Variants in SMIM31 observed in about 807,000 individuals in gnomAD.
The protein encoded by SMIM31 is small integral membrane protein 31.
chr4:164,792,113 T>C (rs746446583), intron 2 of SMIM31, among the ~76,000 whole-genome samples: 2 of 152,238 alleles, frequency 1.3e-5, no homozygotes, highest in Admixed American at 6.5e-5. Flanking sequence ...CTTGTTAAAA[T>C]GCAACTTCTA....
intron 2 of SMIM31, among the ~76,000 whole-genome samples, chr4:164,775,467 C>A (rs143416981): frequency 6.6e-6 from 1 of 152,318 alleles, no homozygotes; most frequent in East Asian, 1.9e-4. Flanking sequence ...CTCCTGATAG[C>A]AAAACAATCC....
In SMIM31 at chr4:164,802,316, A is replaced by G. The variant is rs926401755; in HGVS notation, c.*1122A>G. ...AGTGGTGTAATCATAGCTCACTGCA[A>G]CCTTAAGTTCCTGGGCTCAGGTGAT... On this transcript the variant is annotated 3_prime_UTR_variant, in exon 3 of 3. Coordinates refer to ENST00000507311, the MANE Select transcript of SMIM31 (RefSeq NM_001352885.1). 1 of 152,068 alleles carries G rather than the reference A, an allele frequency of 6.6e-6. No homozygotes were observed. The highest frequency in any genetic ancestry group is 2.4e-5 in the African/African-American group (1 of 41,358). The allele number at this position is 152,068 out of a possible 1,614,324, so 9.4% of individuals were successfully genotyped here.
chr4:164,798,849 C>A (rs995938975), intron 2 of SMIM31, among the ~76,000 whole-genome samples: 58 of 152,200 alleles, frequency 3.8e-4, no homozygotes, highest in African/African-American at 1.1e-3. Flanking sequence ...TGGTTTAACA[C>A]CATCCCCTCG....
intron 2 of SMIM31, among the ~76,000 whole-genome samples, chr4:164,795,815 A>C (rs1733183476): frequency 6.6e-6 from 1 of 152,202 alleles, no homozygotes; most frequent in East Asian, 1.9e-4. Flanking sequence ...AATTGCTTAC[A>C]ATATGCCGGG....
chr4:164,776,134 C>T (rs1293767306), intron 2 of SMIM31, among the ~76,000 whole-genome samples: 1 of 152,162 alleles, frequency 6.6e-6, no homozygotes, highest in East Asian at 1.9e-4. Flanking sequence ...TCCCCCTCTA[C>T]TTGAATCTTA....
Position 164,803,197 on chromosome 4 carries a change from G to A in SMIM31, c.*2003G>A, listed in dbSNP as rs578077209. ...TCAACAACATGGTTTCAAATACTTG[G>A]ATGAGGCTCCATTCACTCCCTTAGC... is the stretch of plus-strand genomic sequence containing the variant. On this transcript the variant is annotated 3_prime_UTR_variant, in exon 3 of 3. Coordinates refer to ENST00000507311, the MANE Select transcript of SMIM31 (RefSeq NM_001352885.1). 106 of 152,262 alleles carry A rather than the reference G, an allele frequency of 7.0e-4. No homozygotes were observed. Among genetic ancestry groups the A allele is most frequent in the African/African-American group, 2.4e-3 (99 of 41,548 alleles). 9.4% of individuals were successfully genotyped at this position (152,262 alleles called of 1,614,324 possible).
At chr4:164,783,031 G>C (rs1346301621) in intron 2 of SMIM31, among the ~76,000 whole-genome samples, 1 of 150,268 alleles carries the variant, frequency 6.7e-6, no homozygotes, top group East Asian at 2.0e-4. Flanking sequence ...CAGCCTGGCC[G>C]ACACAGTGAA....
At chr4:164,797,228 A>AT (rs887467737) in intron 2 of SMIM31, among the ~76,000 whole-genome samples, 8 of 151,998 alleles carry the variant, frequency 5.3e-5, no homozygotes, top group Admixed American at 1.3e-4. Context: ...GCAAAGTTTT[A>AT]TTTTTTTATA....
intron 1 of SMIM31, among the ~76,000 whole-genome samples, chr4:164,755,535 G>A (rs1488881831): frequency 3.4e-5 from 2 of 59,178 alleles, no homozygotes; most frequent in African/African-American, 8.5e-5. Flanking sequence ...GGGAGGGAGA[G>A]GAGAGGAGGG....
chr4:164,785,648 G>GTATA (rs1178642571), intron 2 of SMIM31, among the ~76,000 whole-genome samples: 1 of 150,650 alleles, frequency 6.6e-6, no homozygotes, highest in African/African-American at 2.4e-5. Context: ...GTGTGTGTGT[G>GTATA]TGTATATATA....
chr4:164,782,377 A>ATTTT (rs760284575), intron 2 of SMIM31, among the ~76,000 whole-genome samples: 1 of 98,678 alleles, frequency 1.0e-5, no homozygotes, highest in South Asian at 2.7e-4. Flanking sequence ...TCTTTCTTTT[A>ATTTT]TTTTTTTTTT....
At chr4:164,770,844 A>G (rs1732791215) in intron 2 of SMIM31, among the ~76,000 whole-genome samples, 1 of 152,182 alleles carries the variant, frequency 6.6e-6, no homozygotes, top group Admixed American at 6.5e-5. Context: ...TTGCCAGTAA[A>G]AACAATTGTT....
chr4:164,785,413 A>G (rs997988548), intron 2 of SMIM31, among the ~76,000 whole-genome samples: 15 of 152,078 alleles, frequency 9.9e-5, no homozygotes, highest in Non-Finnish European at 2.2e-4. Context: ...TCCATCATCA[A>G]ACATTAGTAA....
At chr4:164,770,817 C>A (rs1304597398) in intron 2 of SMIM31, among the ~76,000 whole-genome samples, 3 of 112,350 alleles carry the variant, frequency 2.7e-5, no homozygotes, top group Non-Finnish European at 6.5e-5. Context: ...AAACCCAGTA[C>A]CACATTTTTT....
At chr4:164,759,997 C>T (rs149126446) in intron 1 of SMIM31, among the ~76,000 whole-genome samples, 114 of 152,162 alleles carry the variant, frequency 7.5e-4, no homozygotes, top group African/African-American at 2.7e-3. Flanking sequence ...AGAGGGTAAG[C>T]CATTCAGGTC....
chr4:164,796,681 A>T (rs965199731), intron 2 of SMIM31, among the ~76,000 whole-genome samples: 1 of 152,180 alleles, frequency 6.6e-6, no homozygotes, highest in Non-Finnish European at 1.5e-5. Context: ...TGGCTCAAGA[A>T]AAACCTCTTT....
intron 2 of SMIM31, among the ~76,000 whole-genome samples, chr4:164,789,958 G>A (rs1054588815): frequency 6.6e-6 from 1 of 152,158 alleles, no homozygotes; most frequent in Admixed American, 6.5e-5. Context: ...CTAGTTATAC[G>A]TAGAAGAGGA....
intron 2 of SMIM31, among the ~76,000 whole-genome samples, chr4:164,771,660 T>A (rs1732804303): frequency 1.3e-5 from 2 of 150,744 alleles, no homozygotes; most frequent in African/African-American, 2.4e-5. Context: ...AAAAAAAAAA[T>A]TAGCTGGGCT....
At chr4:164,784,270 C>T (rs536516918) in intron 2 of SMIM31, among the ~76,000 whole-genome samples, 1 of 152,258 alleles carries the variant, frequency 6.6e-6, no homozygotes, top group Non-Finnish European at 1.5e-5. Context: ...GACTGCTCGC[C>T]TTTGAGTTAT....
Sources: allele counts gnomAD v4.1 joint callset (sites outside exome capture counted in the v4.1 genomes callset), GRCh38; gene constraint gnomAD v4.1.1; transcripts MANE v1.5; gene names NCBI Gene and HGNC (gene_info 2026-07-23, HGNC 2026-07-21).